Variants in BATF observed in about 807,000 individuals in gnomAD.
BATF encodes basic leucine zipper ATF-like transcription factor.
Under a neutral mutation model 13.7 loss-of-function variants are expected in BATF, and 5 were observed. The ratio of observed to expected loss-of-function variants is 0.36; its 90% CI spans 0.19 to 0.77. BATF has a LOEUF of 0.77. Among genes scored for constraint, BATF ranks in the 30% least tolerant of loss-of-function variants. The pLI, the probability that BATF is intolerant of heterozygous loss-of-function variation, is 0.51. For missense variants in BATF, 124 were observed against 163.0 expected (o/e 0.76, Z 1.30); for synonymous variants, 72 against 67.5 (o/e 1.07, Z -0.33).
chr14:75,531,411 C>T (rs773427443), intron 2 of BATF, among the ~76,000 whole-genome samples: 6 of 152,066 alleles, frequency 3.9e-5, no homozygotes, highest in Non-Finnish European at 8.8e-5. Context: ...GTGGAGTTGC[C>T]GGGAGCAGTG....
intron 2 of BATF, among the ~76,000 whole-genome samples, chr14:75,540,167 C>T (rs770355823): frequency 2.0e-5 from 3 of 152,208 alleles, no homozygotes; most frequent in Non-Finnish European, 4.4e-5. Flanking sequence ...CAGCCCTGCT[C>T]AGGGTGCCTG....
chr14:75,523,698 C>A (rs1033823508), intron 1 of BATF, among the ~76,000 whole-genome samples: 3 of 152,206 alleles, frequency 2.0e-5, no homozygotes, highest in Non-Finnish European at 4.4e-5. Flanking sequence ...TTAAAAACTT[C>A]ATTCTTTCCT....
chr14:75,536,966 C>G (rs879205687), intron 2 of BATF, among the ~76,000 whole-genome samples: 1 of 152,006 alleles, frequency 6.6e-6, no homozygotes, highest in African/African-American at 2.4e-5. Flanking sequence ...TTACACTGTT[C>G]CTTTGTTTAA....
In BATF at chr14:75,546,677, C is replaced by CGATGCG; in HGVS notation, c.*8_*13dup. 6.3e-7 allele frequency: 1 copy of CGATGCG among 1,580,692 alleles called. No individual in the cohort carries two copies. Among genetic ancestry groups the CGATGCG allele is most frequent in the South Asian group, 1.1e-5 (1 of 87,728 alleles). On this transcript the variant is annotated 3_prime_UTR_variant, in exon 3 of 3. Coordinates refer to ENST00000286639, the MANE Select transcript of BATF (RefSeq NM_006399.5). ...CCCCGCGCTTCCAGCCCTGAGCTTC[C>CGATGCG]GATGCGGGGAGAGCAGAGCCTCGGG...
Position 75,522,663 on chromosome 14 carries a change from G to T in BATF, c.-20G>T, listed in dbSNP as rs1314809495. 1 of 1,613,954 alleles carries T rather than the reference G, an allele frequency of 6.2e-7. No individual in the cohort carries two copies. The highest frequency in any genetic ancestry group is 1.3e-5 in the African/African-American group (1 of 74,878). ...CAGAGGTGCCTGGGGCTGAGTGTGA[G>T]AGCCCGGAAGATTTCAGCCATGCCT... On this transcript the variant is annotated 5_prime_UTR_variant, in exon 1 of 3. Coordinates refer to ENST00000286639, the MANE Select transcript of BATF (RefSeq NM_006399.5).
chr14:75,537,221 G>T (rs904390572), intron 2 of BATF, among the ~76,000 whole-genome samples: 1 of 152,148 alleles, frequency 6.6e-6, no homozygotes, highest in South Asian at 2.1e-4. Flanking sequence ...CACGCTGTTG[G>T]TTCAGTTTGG....
chr14:75,522,943 G>T (rs175722), intron 1 of BATF, among the ~76,000 whole-genome samples, 198 bp downstream of exon 1: 120,090 of 152,064 alleles, frequency 0.79, 49,159 homozygotes, highest in Non-Finnish European at 0.9. Context: ...CACCCATTCT[G>T]CCAAAGCCCC....
intron 2 of BATF, among the ~76,000 whole-genome samples, chr14:75,543,653 T>C (rs188761583): frequency 2.4e-4 from 36 of 152,170 alleles, no homozygotes; most frequent in Admixed American, 2.2e-3. Context: ...CACTGCAGCC[T>C]CCAACCCCTG....
At chr14:75,534,598 A>T (rs1174666066) in intron 2 of BATF, among the ~76,000 whole-genome samples, 1 of 152,218 alleles carries the variant, frequency 6.6e-6, no homozygotes, top group African/African-American at 2.4e-5. Flanking sequence ...GACACATGGA[A>T]AGTTGTTCTT....
intron 2 of BATF, among the ~76,000 whole-genome samples, chr14:75,530,245 G>T (rs1438049279): frequency 1.3e-5 from 2 of 152,156 alleles, no homozygotes; most frequent in African/African-American, 4.8e-5. Context: ...ACACGATGTT[G>T]CCAAGGTAAT....
chr14:75,539,424 A>ATTTTTTTTTTTTTTTT lies in BATF; in HGVS notation c.169-7026_169-7011dup, dbSNP rs1162218076. ...TAGCTACAAGGTAAGGTAAGCTGGA[A>ATTTTTTTTTTTTTTTT]TTTTTTTTTTTTTTTTTTTTTTTTT... On this transcript the variant is annotated intron_variant, in intron 2 of 2. Coordinates refer to ENST00000286639, the MANE Select transcript of BATF (RefSeq NM_006399.5). Among the ~76,000 whole-genome samples, 27 of 58,548 alleles carry ATTTTTTTTTTTTTTTT rather than the reference A, an allele frequency of 4.6e-4. 5 individuals carry two copies. The highest frequency in any genetic ancestry group is 1.8e-3 in the African/African-American group (26 of 14,086). 38.4% of individuals were successfully genotyped at this position (58,548 alleles called of 152,430 possible).
In BATF at chr14:75,522,763, C is replaced by A. The variant is rs1887591062; in HGVS notation, c.63+18C>A. 2 of 1,613,750 alleles carry A rather than the reference C, an allele frequency of 1.2e-6. No individual in the cohort carries two copies. Among genetic ancestry groups the A allele is most frequent in the South Asian group, 2.2e-5 (2 of 91,080 alleles). Reference sequence around the variant, plus strand: ...GCAAACAGGTAGAGTCCTCCTTTTTCTCTCTCCTACCTTCTGATTCTCCTG... The same window carrying A: ...GCAAACAGGTAGAGTCCTCCTTTTTATCTCTCCTACCTTCTGATTCTCCTG... On this transcript the variant is annotated intron_variant, in intron 1 of 2. Transcript: ENST00000286639.
At chr14:75,526,797 G>T (rs1279890852) in intron 2 of BATF, among the ~76,000 whole-genome samples, 1 of 152,136 alleles carries the variant, frequency 6.6e-6, no homozygotes, top group African/African-American at 2.4e-5. Context: ...ACCACCTTAA[G>T]CTTGAACATC....
intron 1 of BATF, among the ~76,000 whole-genome samples, chr14:75,523,067 A>G (rs913988279): frequency 6.6e-6 from 1 of 152,196 alleles, no homozygotes; most frequent in African/African-American, 2.4e-5. Flanking sequence ...TGCAGAGAAA[A>G]GAGTCTACTG....
At chr14:75,533,427 CAAAAAAAAAAA>C (rs888084841) in intron 2 of BATF, among the ~76,000 whole-genome samples, 16 of 63,900 alleles carry the variant, frequency 2.5e-4, no homozygotes, top group Non-Finnish European at 4.9e-4. Flanking sequence ...GACTCCGTCT[CAAAAAAAAAAA>C]AAAAAAAAGA....
intron 1 of BATF, among the ~76,000 whole-genome samples, chr14:75,524,380 C>T (rs983479307): frequency 3.9e-5 from 6 of 152,138 alleles, no homozygotes; most frequent in African/African-American, 9.7e-5. Context: ...CTGAGCACAA[C>T]GGAAGGAAAG....
At chr14:75,523,560 C>T (rs1431176378) in intron 1 of BATF, among the ~76,000 whole-genome samples, 6 of 152,148 alleles carry the variant, frequency 3.9e-5, no homozygotes, top group African/African-American at 1.4e-4. Flanking sequence ...AAAAGGAGTG[C>T]CCTGCCCATC....
chr14:75,527,712 C>A (rs774097781), intron 2 of BATF, among the ~76,000 whole-genome samples: 1 of 152,138 alleles, frequency 6.6e-6, no homozygotes, highest in Non-Finnish European at 1.5e-5. Flanking sequence ...CCACAGAGCC[C>A]CAAGTCATAT....
At chr14:75,542,603 A>T (rs959079294) in intron 2 of BATF, among the ~76,000 whole-genome samples, 2 of 152,222 alleles carry the variant, frequency 1.3e-5, no homozygotes, top group African/African-American at 4.8e-5. Context: ...TAGCAGGGAC[A>T]TGGAGGGACG....
Sources: allele counts gnomAD v4.1 joint callset (sites outside exome capture counted in the v4.1 genomes callset), GRCh38; gene constraint gnomAD v4.1.1; transcripts MANE v1.5; gene names NCBI Gene and HGNC (gene_info 2026-07-23, HGNC 2026-07-21).